The following CHD1 variants were observed in gnomAD, a reference collection of about 807,000 sequenced individuals.
The protein encoded by CHD1 is chromodomain helicase DNA binding protein 1, also known as ATP-dependent chromatin remodeler CHD1.
Under a neutral mutation model 224.2 loss-of-function variants are expected in CHD1, and 36 were observed. The ratio of observed to expected loss-of-function variants is 0.16; its 90% CI spans 0.12 to 0.21. CHD1 has a LOEUF of 0.21. CHD1 is among the 10% of genes least tolerant of loss of function. The pLI is 1.00. For synonymous variants in CHD1, 668 were observed against 658.3 expected (o/e 1.01, Z -0.23); for missense variants, 1,378 against 1,994.8 (o/e 0.69, Z 5.89).
chr5:98,889,688 C>A (rs1253680390), intron 15 of CHD1: 1 of 152,430 alleles, frequency 6.6e-6, no homozygotes, highest in Non-Finnish European at 1.5e-5. Flanking sequence ...TAGAAAACAT[C>A]TTGGTGATAT....
Position 98,858,979 on chromosome 5 carries a change from C to G in CHD1, c.4561G>C (p.Val1521Leu). The G allele has an allele frequency of 6.4e-7, 1 of 1,558,866 alleles. No homozygotes were observed. The highest frequency in any genetic ancestry group is 8.6e-7 in the Non-Finnish European group (1 of 1,160,310). The change falls in exon 34 of 36, where the codon GTG becomes CTG. Residue 1521 changes from valine to leucine, a missense_variant. Val to Leu is a conservative substitution (Grantham distance 32). Around this residue, in one of 16 missense-constraint regions of CHD1, gnomAD observed 278 missense variants for 298.5 expected, o/e 0.93. Coordinates refer to ENST00000614616, the MANE Select transcript of CHD1 (RefSeq NM_001270.4). ...GCTTACATACCTGGATTTCTAATCA[C>G]GTGAGGATTCAAGTTGCTGTTTTGA... ...SDQNSNLNPH[V>L]IRNPDVERLK...
At chr5:98,879,452 G>T in intron 23 of CHD1, 100 bp downstream of exon 23, 1 of 1,037,042 alleles carries the variant, frequency 9.6e-7, no homozygotes, top group Non-Finnish European at 1.4e-6. Flanking sequence ...GCCATTACAA[G>T]AAAAGAAAAC....
chr5:98,874,371 G>C (rs1032160004), intron 25 of CHD1, among the ~76,000 whole-genome samples: 2 of 151,780 alleles, frequency 1.3e-5, no homozygotes, highest in Non-Finnish European at 2.9e-5. Flanking sequence ...AATACAGTTT[G>C]TATAATAAGA....
At chr5:98,901,363 T>A (rs1751698890) in intron 5 of CHD1, 28 bp from the exon 6 acceptor site, 2 of 1,574,138 alleles carry the variant, frequency 1.3e-6, no homozygotes, top group Non-Finnish European at 1.7e-6. Context: ...AAAGTATTTT[T>A]ATTTGTACTT....
chr5:98,884,052 G>C (rs1446317413), intron 18 of CHD1, among the ~76,000 whole-genome samples: 1 of 147,798 alleles, frequency 6.8e-6, no homozygotes, highest in African/African-American at 2.5e-5. Flanking sequence ...ATGTTGGCCA[G>C]GCTGGTCTCT....
intron 8 of CHD1, 82 bp downstream of exon 8, chr5:98,899,398 G>A: frequency 1.1e-6 from 1 of 871,394 alleles, no homozygotes; most frequent in South Asian, 1.6e-5. Context: ...ATCATTTAAT[G>A]TTACTATGTA....
rs1580332513 is a variant in CHD1 at position 98,855,714 on chromosome 5, C to G, written c.*666G>C. 6.9e-6 allele frequency: 1 copy of G among 144,814 alleles called. No individual in the cohort carries two copies. Among genetic ancestry groups the G allele is most frequent in the Non-Finnish European group, 1.5e-5 (1 of 66,036 alleles). 9.0% of individuals were successfully genotyped at this position (144,814 alleles called of 1,614,324 possible). A position where few individuals can be genotyped will look rare whatever the true frequency, so the allele number is the denominator to read the frequency against. On this transcript the variant is annotated 3_prime_UTR_variant, in exon 36 of 36. Transcript: ENST00000614616. ...AGGCCTGAGTTGGTAGGGAAAGGAA[C>G]AGTCAAAAAAAGCCTGAGAAAGGGA... is the stretch of plus-strand genomic sequence containing the variant.
At chr5:98,927,578 A>G (rs1227134063) in intron 1 of CHD1, among the ~76,000 whole-genome samples, 1 of 152,256 alleles carries the variant, frequency 6.6e-6, no homozygotes, top group Non-Finnish European at 1.5e-5. Flanking sequence ...CTCTGCAAGA[A>G]CAGGTTATCT....
At chr5:98,861,919 G>A (rs1461989811) in intron 32 of CHD1, among the ~76,000 whole-genome samples, 1 of 152,020 alleles carries the variant, frequency 6.6e-6, no homozygotes, top group East Asian at 1.9e-4. Flanking sequence ...CACTTTGGGA[G>A]GCCAAGGCAG....
intron 18 of CHD1, among the ~76,000 whole-genome samples, chr5:98,884,338 T>G (rs1750485074): frequency 6.6e-6 from 1 of 151,998 alleles, no homozygotes; most frequent in Admixed American, 6.5e-5. Context: ...CCTCCCAAAG[T>G]GCTGGGATTA....
Position 98,869,634 on chromosome 5 carries a change from A to G in CHD1, c.4107+120T>C, listed in dbSNP as rs1022389084. 2.0e-4 allele frequency: 183 copies of G among 923,488 alleles called. 2 individuals are homozygous for G. The highest frequency in any genetic ancestry group is 1.1e-3 in the Middle Eastern group (3 of 2,768). The allele number at this position is 923,488 out of a possible 1,614,324, so 57.2% of individuals were successfully genotyped here. ...CGCACGTGCGCGCGCACACACACAC[A>G]CACACACACACACACACAGACTTCG... On this transcript the variant is annotated intron_variant, in intron 30 of 35. Transcript: ENST00000614616.
chr5:98,904,819 A>G, intron 3 of CHD1, 78 bp downstream of exon 3: 2 of 1,228,506 alleles, frequency 1.6e-6, no homozygotes, highest in Non-Finnish European at 2.4e-6. Flanking sequence ...CTAGATTAAG[A>G]ATGGTATAAA....
chr5:98,916,636 C>A (rs1752757851), intron 2 of CHD1, among the ~76,000 whole-genome samples: 1 of 150,038 alleles, frequency 6.7e-6, no homozygotes, highest in African/African-American at 2.5e-5. Context: ...AATGAAGTTA[C>A]CAGCAATATG....
At chr5:98,858,152 A>G in intron 35 of CHD1, 28 bp downstream of exon 35, 3 of 1,599,370 alleles carry the variant, frequency 1.9e-6, no homozygotes, top group Non-Finnish European at 2.6e-6. Context: ...TGCATAAGCA[A>G]AATTTCTAAA....
intron 31 of CHD1, among the ~76,000 whole-genome samples, chr5:98,867,668 C>G (rs1824785): frequency 6.6e-6 from 1 of 152,024 alleles, no homozygotes; most frequent in Non-Finnish European, 1.5e-5. Context: ...TTAAACCCCT[C>G]TTCTTAAAAG....
chr5:98,883,050 T>A, intron 19 of CHD1, 38 bp downstream of exon 19: 1 of 1,212,572 alleles, frequency 8.2e-7, no homozygotes, highest in Non-Finnish European at 1.1e-6. Flanking sequence ...AAAAGAATTC[T>A]AAAACAGCAA....
chr5:98,908,251 T>C (rs543242165), intron 2 of CHD1, among the ~76,000 whole-genome samples: 20 of 152,298 alleles, frequency 1.3e-4, no homozygotes, highest in Non-Finnish European at 2.8e-4. Context: ...CCTTCTCTTT[T>C]CTTTTTATTA....
chr5:98,884,892 CTTTTT>C (rs1029603033), intron 18 of CHD1, among the ~76,000 whole-genome samples: 7 of 151,594 alleles, frequency 4.6e-5, no homozygotes, highest in Admixed American at 2.6e-4. Flanking sequence ...ATTTTTTTTA[CTTTTT>C]ATTTTTATTT....
intron 33 of CHD1, 24 bp downstream of exon 33, chr5:98,859,948 G>GA (rs1472357831): frequency 1.7e-6 from 2 of 1,203,786 alleles, no homozygotes; most frequent in African/African-American, 3.1e-5. Context: ...TAAATTCAGG[G>GA]AAAAAATATG....
Sources: gnomAD v4.1 joint callset for allele counts (sites outside exome capture counted in the v4.1 genomes callset) on GRCh38, gnomAD v4.1.1 for gene constraint, gnomAD v4.1.1 regional missense constraint, MANE v1.5 for transcripts, NCBI Gene and HGNC (gene_info 2026-07-23, HGNC 2026-07-21) for gene names.